NKAIN3: variants seen among roughly 807,000 people sequenced by gnomAD.
NKAIN3 encodes sodium/potassium transporting ATPase interacting 3.
NKAIN3 carries 25 observed loss-of-function variants against 30.2 expected under a neutral mutation model. The ratio of observed to expected loss-of-function variants is 0.83; its 90% CI spans 0.60 to 1.16. The LOEUF (loss-of-function observed/expected upper bound fraction) is 1.16, where lower values mean the gene tolerates loss of function less well. Ranked by LOEUF, NKAIN3 falls within the 50% of genes most tolerant of loss-of-function variation. NKAIN3 has a pLI of 0.00. For missense variants in NKAIN3, 225 were observed against 254.1 expected (o/e 0.89, Z 0.78); for synonymous variants, 91 against 89.6 (o/e 1.02, Z -0.09).
intron 4 of NKAIN3, among the ~76,000 whole-genome samples, chr8:62,822,901 G>T (rs557511090): frequency 1.3e-5 from 2 of 152,286 alleles, no homozygotes; most frequent in African/African-American, 4.8e-5. Context: ...ATAGCCTATT[G>T]TTCCTAGGCT....
At chr8:62,820,902 AT>A (rs1818827756) in intron 4 of NKAIN3, among the ~76,000 whole-genome samples, 2 of 152,076 alleles carry the variant, frequency 1.3e-5, no homozygotes, top group African/African-American at 4.8e-5. Context: ...CAAAGCCTTT[AT>A]TTTTGTTTAA....
intron 3 of NKAIN3, among the ~76,000 whole-genome samples, chr8:62,656,455 T>G (rs1386915688): frequency 6.7e-6 from 1 of 149,190 alleles, no homozygotes; most frequent in Non-Finnish European, 1.5e-5. Flanking sequence ...AATAAATAAA[T>G]AAAATAAAAA....
chr8:62,516,485 A>G (rs376801326), intron 1 of NKAIN3, among the ~76,000 whole-genome samples: 6 of 152,114 alleles, frequency 3.9e-5, no homozygotes, highest in African/African-American at 1.4e-4. Context: ...CTTTGTCAAA[A>G]TAACCTTAGT....
chr8:62,991,371 A>G (rs1468540052), intron 5 of NKAIN3, among the ~76,000 whole-genome samples: 1 of 152,132 alleles, frequency 6.6e-6, no homozygotes, highest in Non-Finnish European at 1.5e-5. Context: ...ATCTTTAAAA[A>G]CCAGAATTGT....
At chr8:62,564,124 T>A (rs1281697118) in intron 1 of NKAIN3, among the ~76,000 whole-genome samples, 2 of 152,224 alleles carry the variant, frequency 1.3e-5, no homozygotes, top group African/African-American at 4.8e-5. Context: ...AACATATCCA[T>A]CCAACAAGTT....
rs1823755832 is a variant in NKAIN3 at position 62,968,272 on chromosome 8, C to T, written c.*2865C>T. ...TTGTACAGTAATACTTGGCAATTAC[C>T]CGTTAATCTGGGTAATTCCAATGAA... On this transcript the variant is annotated 3_prime_UTR_variant, in exon 7 of 7. Transcript: ENST00000623646. Among the ~76,000 whole-genome samples, 1 of 152,068 alleles carries T rather than the reference C, an allele frequency of 6.6e-6. No individual in the cohort carries two copies. Among genetic ancestry groups the T allele is most frequent in the Non-Finnish European group, 1.5e-5 (1 of 68,014 alleles).
intron 1 of NKAIN3, among the ~76,000 whole-genome samples, chr8:62,533,414 A>T (rs1358612447): frequency 1.3e-5 from 2 of 152,242 alleles, no homozygotes; most frequent in Non-Finnish European, 2.9e-5. Context: ...CCAAAAAGGA[A>T]GTCTCCTAAA....
At chr8:62,928,972 T>C (rs561075060) in intron 5 of NKAIN3, among the ~76,000 whole-genome samples, 1 of 152,254 alleles carries the variant, frequency 6.6e-6, no homozygotes, top group African/African-American at 2.4e-5. Flanking sequence ...GTCCAGCGTA[T>C]CAAGCATTCA....
intron 1 of NKAIN3, among the ~76,000 whole-genome samples, chr8:62,519,817 C>T (rs1808101540): frequency 6.6e-6 from 1 of 152,144 alleles, no homozygotes; most frequent in East Asian, 1.9e-4. Flanking sequence ...CATCTTAGCT[C>T]TCTGAATGTA....
chr8:62,879,022 T>C (rs1456369861), intron 4 of NKAIN3, among the ~76,000 whole-genome samples: 1 of 152,226 alleles, frequency 6.6e-6, no homozygotes, highest in Non-Finnish European at 1.5e-5. Context: ...TTTGGGTATA[T>C]ACCCAGTAAT....
At chr8:62,890,926 C>G (rs1354926829) in intron 4 of NKAIN3, among the ~76,000 whole-genome samples, 1 of 152,174 alleles carries the variant, frequency 6.6e-6, no homozygotes, top group Non-Finnish European at 1.5e-5. Flanking sequence ...AATTTTCTAT[C>G]CTTTGAAGAC....
Position 62,978,280 on chromosome 8 carries a change from G to T in NKAIN3, c.*12873G>T, listed in dbSNP as rs1204727955. 1 of 152,508 alleles carries T rather than the reference G, an allele frequency of 6.6e-6. No individual in the cohort carries two copies. The highest frequency in any genetic ancestry group is 2.4e-5 in the African/African-American group (1 of 41,468). 9.4% of individuals were successfully genotyped at this position (152,508 alleles called of 1,614,324 possible). ...CTGCTGCTCTCTTCAGAGCTGGCAG[G>T]TGGGAATGTTTAAGTCTGCTGAAGC... On this transcript the variant is annotated 3_prime_UTR_variant, in exon 7 of 7. Coordinates refer to ENST00000623646, the MANE Select transcript of NKAIN3 (RefSeq NM_001304533.3).
rs1433739924 is a variant in NKAIN3, at chr8:62,974,305, G to A, written c.*8898G>A. ...TTCTTCCTATCCATGAGCATGGAAT[G>A]TTTTTCCATTTGTTTGTGTCCTCTC... On this transcript the variant is annotated 3_prime_UTR_variant, in exon 7 of 7. Coordinates refer to ENST00000623646, the MANE Select transcript of NKAIN3 (RefSeq NM_001304533.3). Among the ~76,000 whole-genome samples, 2 of 152,160 alleles carry A rather than the reference G, an allele frequency of 1.3e-5. No homozygotes were observed. Among genetic ancestry groups the A allele is most frequent in the Admixed American group, 6.5e-5 (1 of 15,268 alleles).
chr8:62,490,663 T>C (rs1199993570), intron 1 of NKAIN3, among the ~76,000 whole-genome samples: 1 of 152,122 alleles, frequency 6.6e-6, no homozygotes, highest in East Asian at 1.9e-4. Flanking sequence ...AATGTTTATG[T>C]GTGTCTCATA....
intron 4 of NKAIN3, among the ~76,000 whole-genome samples, chr8:62,824,788 C>G (rs1818968678): frequency 1.3e-5 from 2 of 152,120 alleles, no homozygotes; most frequent in Non-Finnish European, 2.9e-5. Context: ...CACTATTTAA[C>G]CCACTTTATG....
intron 6 of NKAIN3, among the ~76,000 whole-genome samples, 166 bp downstream of exon 6, chr8:62,954,138 T>C (rs946485021): frequency 1.3e-5 from 2 of 152,220 alleles, no homozygotes; most frequent in African/African-American, 4.8e-5. Context: ...ATTATTATTA[T>C]TCATTCCAAA....
intron 5 of NKAIN3, among the ~76,000 whole-genome samples, chr8:62,944,606 C>A (rs978546872): frequency 2.6e-5 from 4 of 152,108 alleles, no homozygotes; most frequent in Admixed American, 6.6e-5. Context: ...TAGTGGCTTG[C>A]AAATCTTTTC....
At chr8:62,898,224 A>T (rs1440241573) in intron 4 of NKAIN3, among the ~76,000 whole-genome samples, 1 of 94,834 alleles carries the variant, frequency 1.1e-5, no homozygotes, top group Non-Finnish European at 2.2e-5. Context: ...AATGGGAATC[A>T]AAGGAAAAAA....
At chr8:62,347,419 A>T (rs1405372292) in intron 1 of NKAIN3, among the ~76,000 whole-genome samples, 51 of 152,132 alleles carry the variant, frequency 3.4e-4, no homozygotes, top group Admixed American at 3.3e-3. Flanking sequence ...AAATAAGAAG[A>T]TTTATTTCCA....
Sources: allele counts gnomAD v4.1 joint callset (sites outside exome capture counted in the v4.1 genomes callset), GRCh38; gene constraint gnomAD v4.1.1; transcripts MANE v1.5; gene names NCBI Gene and HGNC (gene_info 2026-07-23, HGNC 2026-07-21).